SOD2: variants seen among roughly 807,000 people sequenced by gnomAD.
SOD2 encodes the protein superoxide dismutase [Mn], mitochondrial.
In SOD2, 11 loss-of-function variants were observed where a neutral mutation model predicts 27.0. The observed-to-expected ratio is 0.41, with a 90% CI of 0.26 to 0.67. The LOEUF is 0.67. Among genes scored for constraint, SOD2 ranks in the 30% least tolerant of loss-of-function variants. The pLI is 0.34. For synonymous variants in SOD2, 105 were observed against 103.0 expected, an observed-to-expected ratio of 1.02 and a Z score of -0.12; for missense variants, 250 against 274.5, an observed-to-expected ratio of 0.91 and a Z score of 0.63.
chr6:159,742,057 A>G (rs754803991), intron 1 of SOD2: 2 of 1,487,208 alleles, frequency 1.3e-6, no homozygotes, highest in Middle Eastern at 2.0e-4. Flanking sequence ...ATTTTATCGT[A>G]ACAACTAATG....
intron 1 of SOD2, among the ~76,000 whole-genome samples, chr6:159,714,990 T>C (rs935899544): frequency 6.6e-6 from 1 of 152,016 alleles, no homozygotes; most frequent in African/African-American, 2.4e-5. Context: ...CTGAAGTCCA[T>C]AGCCAGTTTG....
chr6:159,693,300 A>G (rs1034678574), upstream of SOD2: 2 of 598,310 alleles, frequency 3.3e-6, no homozygotes, highest in South Asian at 3.2e-5. Context: ...CCGCGACCCC[A>G]GCTGCGCCGC....
intron 1 of SOD2, chr6:159,753,412 CAG>C (rs376687721): frequency 9.9e-5 from 160 of 1,613,348 alleles, no homozygotes; most frequent in Non-Finnish European, 1.2e-4. Flanking sequence ...TAAGCAAAGA[CAG>C]AGAGTTTTGT....
chr6:159,741,498 C>T (rs1446358757), intron 1 of SOD2: 1 of 152,102 alleles, frequency 6.6e-6, no homozygotes, highest in Non-Finnish European at 1.5e-5. Context: ...ATGAAAGCAG[C>T]AGTGGGATTT....
At chr6:159,692,505 T>G in intron 2 of SOD2, 156 bp downstream of exon 2, 2 of 1,458,080 alleles carry the variant, frequency 1.4e-6, no homozygotes, top group Non-Finnish European at 1.8e-6. Context: ...AGGTAGACCA[T>G]GTGTTTAAAA....
At chr6:159,692,391 C>T (rs912528730) in intron 2 of SOD2, 5 of 1,362,144 alleles carry the variant, frequency 3.7e-6, no homozygotes, top group Non-Finnish European at 4.8e-6. Flanking sequence ...ATATGTGTAA[C>T]GGAATGTGGC....
intron 1 of SOD2, among the ~76,000 whole-genome samples, chr6:159,710,711 C>T (rs571598779): frequency 6.6e-6 from 1 of 151,782 alleles, no homozygotes; most frequent in African/African-American, 2.4e-5. Flanking sequence ...TAACCACCTC[C>T]ATAACCACCA....
At position 159,680,797 on chromosome 6, in the gene SOD2, A is replaced by G. The variant is rs5746146; in HGVS notation, c.*1696T>C. On this transcript the variant is annotated 3_prime_UTR_variant, in exon 5 of 5. Coordinates refer to ENST00000538183, the MANE Select transcript of SOD2 (RefSeq NM_000636.4). ...CTAAAAATACAAAAAGTAGCCAGGC[A>G]TGGTAGCATGCACCTGTAATCCCAG... 0.055 allele frequency: 8,376 copies of G among 151,978 alleles called. 261 individuals carry two copies. Among genetic ancestry groups the G allele is most frequent in the Middle Eastern group, 0.11 (32 of 294 alleles). The allele number at this position is 151,978 out of a possible 1,614,324, so 9.4% of individuals were successfully genotyped here. A position where few individuals can be genotyped will look rare whatever the true frequency, so the allele number is the denominator to read the frequency against.
At chr6:159,727,681 C>T (rs1778278469), upstream of SOD2, 2 of 984,148 alleles carry the variant, frequency 2.0e-6, no homozygotes, top group African/African-American at 1.8e-5. Flanking sequence ...CCGGTGGCGC[C>T]GGCGCGGCTT....
In SOD2 at chr6:159,679,314, A is replaced by C. The variant is rs1214414965; in HGVS notation, c.*3179T>G. 1 of 152,272 alleles carries C rather than the reference A, an allele frequency of 6.6e-6. No homozygotes were observed. 9.4% of individuals were successfully genotyped at this position (152,272 alleles called of 1,614,324 possible). A position where few individuals can be genotyped will look rare whatever the true frequency, so the allele number is the denominator to read the frequency against. On this transcript the variant is annotated 3_prime_UTR_variant, in exon 5 of 5. Transcript: ENST00000538183. The stretch of plus-strand genomic sequence containing the variant: ...TAGGGTATGACTGAAAGTGAGAAAC[A>C]GTAATTTGTAAAACATTTACCTAAT...
At chr6:159,685,480 G>A (rs1329111687) in intron 3 of SOD2, among the ~76,000 whole-genome samples, 2 of 152,072 alleles carry the variant, frequency 1.3e-5, no homozygotes, top group Non-Finnish European at 2.9e-5. Flanking sequence ...AACCTCAGGT[G>A]ATCCACCCGC....
At chr6:159,688,348 T>C (rs1780291513) in intron 2 of SOD2, 106 bp from the exon 3 acceptor site, 2 of 705,494 alleles carry the variant, frequency 2.8e-6, no homozygotes, top group Non-Finnish European at 5.0e-6. Context: ...GGGACCAGCT[T>C]ATCTATAACA....
chr6:159,749,245 G>C, upstream of SOD2: 1 of 985,806 alleles, frequency 1.0e-6, no homozygotes, highest in South Asian at 4.7e-5. Flanking sequence ...GATATTAGCT[G>C]TGATGAGACT....
chr6:159,742,234 TG>T, intron 1 of SOD2: 3 of 1,193,232 alleles, frequency 2.5e-6, no homozygotes, highest in Non-Finnish European at 3.6e-6. Flanking sequence ...TTAAAGCAAA[TG>T]TAATTTTTCT....
chr6:159,746,781 A>G (rs1035880527), upstream of SOD2, among the ~76,000 whole-genome samples: 1 of 152,234 alleles, frequency 6.6e-6, no homozygotes, highest in Non-Finnish European at 1.5e-5. Context: ...AATAAAACTA[A>G]CTTTGAAAAC....
upstream of SOD2, chr6:159,727,671 C>T (rs1269969037): frequency 4.1e-6 from 4 of 984,870 alleles, no homozygotes; most frequent in South Asian, 9.4e-5. Context: ...GCCTATGCGA[C>T]CGGTGGCGCC....
intron 1 of SOD2, among the ~76,000 whole-genome samples, chr6:159,737,162 C>T (rs1778971663): frequency 6.6e-6 from 1 of 152,116 alleles, no homozygotes; most frequent in Non-Finnish European, 1.5e-5. Context: ...ATCATCCCAC[C>T]TCGGCCTCCT....
chr6:159,692,229 T>G (rs1183172076), intron 2 of SOD2: 1 of 387,616 alleles, frequency 2.6e-6, no homozygotes, highest in East Asian at 4.1e-5. Flanking sequence ...ACAGGCGCTC[T>G]CAGCCCTCCT....
chr6:159,758,614 A>G (rs1017518296), intron 1 of SOD2, among the ~76,000 whole-genome samples: 2 of 152,114 alleles, frequency 1.3e-5, no homozygotes, highest in Admixed American at 1.3e-4. Flanking sequence ...GTTATAGTGA[A>G]CACTTTCATA....
Sources: allele counts gnomAD v4.1 joint callset (sites outside exome capture counted in the v4.1 genomes callset), GRCh38; gene constraint gnomAD v4.1.1; transcripts MANE v1.5; gene names NCBI Gene and HGNC (gene_info 2026-07-23, HGNC 2026-07-21).